SELP: variants seen among roughly 807,000 people sequenced by gnomAD.
The protein encoded by SELP is P-selectin.
A neutral mutation model predicts 104.1 loss-of-function variants in SELP; 92 were observed. The observed-to-expected ratio is 0.88, with a 90% CI of 0.75 to 1.05. SELP has a LOEUF of 1.05. Ranked by LOEUF, SELP falls within the 50% of genes least tolerant of loss-of-function variation. SELP has a pLI of 0.00. For missense variants in SELP, 1,022 were observed against 1,017.3 expected, an observed-to-expected ratio of 1.00 and a Z score of -0.06; for synonymous variants, 397 against 364.5, an observed-to-expected ratio of 1.09 and a Z score of -1.01.
intron 1 of SELP, among the ~76,000 whole-genome samples, chr1:169,620,465 C>T (rs1044007043): frequency 1.1e-4 from 16 of 150,810 alleles, no homozygotes; most frequent in African/African-American, 3.9e-4. Context: ...ATAAAGCATG[C>T]GACATGACCA....
intron 3 of SELP, among the ~76,000 whole-genome samples, chr1:169,616,568 A>G (rs762595249): frequency 1.3e-5 from 2 of 152,252 alleles, no homozygotes; most frequent in Non-Finnish European, 2.9e-5. Flanking sequence ...TGCCTAGAGC[A>G]TACTGACATT....
At position 169,593,739 on chromosome 1, in the gene SELP, C is replaced by T. The variant is rs769615800; in HGVS notation, c.2288-15G>A. ...CAATGGTCCTGCTACAAAACAAACACACACACATGCAAGACATAAGAAGTG... is the reference window on the plus strand; with the variant it reads ...CAATGGTCCTGCTACAAAACAAACATACACACATGCAAGACATAAGAAGTG... On this transcript the variant is annotated splice_polypyrimidine_tract_variant and intron_variant, in intron 13 of 16. Coordinates refer to ENST00000263686, the MANE Select transcript of SELP (RefSeq NM_003005.4). 13 of 1,612,712 alleles carry T rather than the reference C, an allele frequency of 8.1e-6. No homozygotes were observed. Among genetic ancestry groups the T allele is most frequent in the Non-Finnish European group, 1.1e-5 (13 of 1,179,184 alleles).
At chr1:169,620,775 G>T (rs1663059462) in intron 1 of SELP, among the ~76,000 whole-genome samples, 1 of 151,042 alleles carries the variant, frequency 6.6e-6, no homozygotes. Flanking sequence ...ATGATGTAGG[G>T]TGCATGGGAC....
chr1:169,609,558 T>C lies in SELP; in HGVS notation c.1279A>G (p.Ile427Val), dbSNP rs576997403. ...TGTCCCAAGTTATCACACCGAACTA[T>C]ATCGGCTCCTCTCAGCATGAAACCT... ...AEGFMLRGAD[I>V]VRCDNLGQWT... The change falls in exon 8 of 17, where the codon ATA becomes GTA. Residue 427 changes from isoleucine to valine, a missense_variant. By Grantham distance (29) the Ile-to-Val change is conservative. Coordinates refer to ENST00000263686, the MANE Select transcript of SELP (RefSeq NM_003005.4). 2.5e-6 allele frequency: 4 copies of C among 1,614,074 alleles called. No homozygotes were observed. In the South Asian group the frequency reaches 3.3e-5, roughly 13 times the overall value.
rs3917654 is a variant in SELP, at chr1:169,630,027, C to T, written c.3+45G>A. ...CTGCCTGACTTTACTCCATACCACT[C>T]CAACTCACTTCAACCACTTCCCATG... On this transcript the variant is annotated intron_variant, in intron 1 of 16. Transcript: ENST00000263686. 13,638 of 1,613,838 alleles carry T rather than the reference C, an allele frequency of 8.5e-3. 83 individuals are homozygous for T. Among genetic ancestry groups the T allele is most frequent in the Middle Eastern group, 0.022 (134 of 6,058 alleles).
At chr1:169,621,072 G>T in intron 1 of SELP, among the ~76,000 whole-genome samples, 1 of 139,612 alleles carries the variant, frequency 7.2e-6, no homozygotes, top group Non-Finnish European at 1.5e-5. Context: ...GATGATGTAG[G>T]GTGCATGGGA....
chr1:169,611,393 A>C lies in SELP; in HGVS notation c.1147+99T>G. 3.2e-6 allele frequency: 4 copies of C among 1,242,948 alleles called. No homozygotes were observed. In the South Asian group the frequency reaches 5.7e-5, roughly 18 times the overall value. The allele number at this position is 1,242,948 out of a possible 1,614,324, so 77.0% of individuals were successfully genotyped here. A position where few individuals can be genotyped will look rare whatever the true frequency, so the allele number is the denominator to read the frequency against. On this transcript the variant is annotated intron_variant, in intron 7 of 16. Coordinates refer to ENST00000263686, the MANE Select transcript of SELP (RefSeq NM_003005.4). ...TTGAAGAGCTTGCTCTAGTGCAAGA[A>C]CTTAGAAGAGATCACCCCGACACTG...
At position 169,594,821 on chromosome 1, in the gene SELP, G is replaced by A. The variant is rs1162119325; in HGVS notation, c.2158C>T (p.Leu720Phe). The A allele has an allele frequency of 1.2e-6, 2 of 1,613,804 alleles. No individual in the cohort carries two copies. The highest frequency in any genetic ancestry group is 2.2e-5 in the East Asian group (1 of 44,884). The change falls in exon 13 of 17, where the codon CTC becomes TTC. Residue 720 changes from leucine (L) to phenylalanine (F), a missense_variant. Coordinates refer to ENST00000263686, the MANE Select transcript of SELP (RefSeq NM_003005.4). ...NKPIAMNCSN[L>F]WGNFSYGSIC... ...GATCCATAACTGAAGTTTCCCCAGA[G>A]GTTGGAGCAGTTCATCGCTATTGGC...
At position 169,591,454 on chromosome 1, in the gene SELP, C is replaced by T. The variant is rs1661350176; in HGVS notation, c.2410G>A (p.Asp804Asn). ...TGAGGATTCAAGGGGCATTTCCCAT[C>T]ATCTAAAATCAGCAAGAAGACAAGA... Reference protein sequence around the residue: ...LLRKRFRQKDDGKCPLNPHSH... With the variant: ...LLRKRFRQKDNGKCPLNPHSH... The change falls in exon 15 of 17, where the codon GAT becomes AAT. Residue 804 changes from aspartate (D) to asparagine (N), a missense_variant and splice_region_variant. Asp to Asn is a conservative substitution (Grantham distance 23). Coordinates refer to ENST00000263686, the MANE Select transcript of SELP (RefSeq NM_003005.4). 2 of 1,557,888 alleles carry T rather than the reference C, an allele frequency of 1.3e-6. No homozygotes were observed. Among genetic ancestry groups the T allele is most frequent in the Non-Finnish European group, 1.7e-6 (2 of 1,148,072 alleles).
At chr1:169,612,821 C>G (rs866057285) in intron 5 of SELP, 108 bp downstream of exon 5, 3 of 912,404 alleles carry the variant, frequency 3.3e-6, no homozygotes, top group Middle Eastern at 7.0e-4. Context: ...TTCCATCTAA[C>G]CTAGATGGTC....
intron 9 of SELP, among the ~76,000 whole-genome samples, chr1:169,603,559 G>A (rs1662030774): frequency 1.3e-5 from 2 of 152,066 alleles, no homozygotes; most frequent in African/African-American, 4.8e-5. Flanking sequence ...CATTTTTGTT[G>A]CTTCTAGACA....
chr1:169,617,371 G>A lies in SELP; in HGVS notation c.138C>T (p.Tyr46=). The stretch of plus-strand genomic sequence containing the variant: ...TATTCCATGAGTATGCTTTTGTGCT[G>A]TAATGATAAGTCCATGCTGCCACTT... ...QKEVAAWTYH[Y]STKAYSWNIS... The change falls in exon 3 of 17, where the codon TAC becomes TAT. Residue 46 remains tyrosine (Y), a synonymous_variant. Transcript: ENST00000263686. 6.2e-7 allele frequency: 1 copy of A among 1,614,112 alleles called. No individual in the cohort carries two copies. The highest frequency in any genetic ancestry group is 1.1e-5 in the South Asian group (1 of 91,082).
chr1:169,609,541 G>A lies in SELP; in HGVS notation c.1296C>T (p.Asn432=), dbSNP rs1320049222. The A allele has an allele frequency of 6.2e-7, 1 of 1,613,756 alleles. No homozygotes were observed. The highest frequency in any genetic ancestry group is 8.5e-7 in the Non-Finnish European group (1 of 1,179,872). The change falls in exon 8 of 17, where the codon AAC becomes AAT. Residue 432 remains asparagine (N), a synonymous_variant. Transcript: ENST00000263686. ...GGGCTGGTGCTGTCCACTGTCCCAA[G>A]TTATCACACCGAACTATATCGGCTC... ...LRGADIVRCD[N]LGQWTAPAPV...
chr1:169,599,341 C>T (rs1212665892), intron 10 of SELP, among the ~76,000 whole-genome samples: 3 of 133,514 alleles, frequency 2.2e-5, no homozygotes, highest in Non-Finnish European at 3.1e-5. Flanking sequence ...ATTCTTGAGC[C>T]TACTCTAAAA....
At chr1:169,609,750 A>G in intron 7 of SELP, 61 bp from the exon 8 acceptor site, 3 of 1,480,212 alleles carry the variant, frequency 2.0e-6, no homozygotes, top group Non-Finnish European at 2.7e-6. Flanking sequence ...TTCCTCAGAA[A>G]AAATTCCTAG....
At position 169,595,994 on chromosome 1, in the gene SELP, G is replaced by A. The variant is rs768228967; in HGVS notation, c.2032C>T (p.Leu678Phe). ...CAGCTGAGAGTGCTGTCTCCTATGA[G>A]TGTGAATCCAGCGTTGCAGCCAAAG... is the stretch of plus-strand genomic sequence containing the variant. The part of the protein sequence containing the change: ...CYFGCNAGFT[L>F]IGDSTLSCRP... Residue 678 changes from leucine (L) to phenylalanine (F), a missense_variant, in exon 12 of 17, where the codon CTC becomes TTC. Physicochemically the swap from Leu to Phe is conservative, Grantham distance 22. Transcript: ENST00000263686. 1.9e-6 allele frequency: 3 copies of A among 1,613,820 alleles called. No homozygotes were observed. In the African/African-American group the frequency reaches 4.0e-5, roughly 22 times the overall value.
At chr1:169,624,723 G>A (rs1663292136) in intron 1 of SELP, among the ~76,000 whole-genome samples, 1 of 152,158 alleles carries the variant, frequency 6.6e-6, no homozygotes, top group African/African-American at 2.4e-5. Flanking sequence ...TGGCAACAGA[G>A]TGAGACTCTT....
chr1:169,623,618 G>T (rs1663238704), intron 1 of SELP, among the ~76,000 whole-genome samples: 1 of 152,128 alleles, frequency 6.6e-6, no homozygotes, highest in African/African-American at 2.4e-5. Context: ...TTTGATGAAG[G>T]CACAACATCT....
chr1:169,599,424 G>A (rs930678160), intron 10 of SELP, among the ~76,000 whole-genome samples: 6 of 151,474 alleles, frequency 4.0e-5, no homozygotes, highest in Non-Finnish European at 7.4e-5. Context: ...TTTATTGCAC[G>A]CTTAGTGTTC....
Sources: allele counts gnomAD v4.1 joint callset (sites outside exome capture counted in the v4.1 genomes callset), GRCh38; gene constraint gnomAD v4.1.1; transcripts MANE v1.5; gene names NCBI Gene and HGNC (gene_info 2026-07-23, HGNC 2026-07-21).